The following DCT variants were observed in gnomAD, a reference collection of about 807,000 sequenced individuals.
DCT encodes the protein dopachrome tautomerase, also known as L-dopachrome tautomerase.
Under a neutral mutation model 53.0 loss-of-function variants are expected in DCT, and 47 were observed. The ratio of observed to expected loss-of-function variants is 0.89; its 90% CI spans 0.70 to 1.13. The LOEUF (loss-of-function observed/expected upper bound fraction) is 1.13, where lower values mean the gene tolerates loss of function less well. Ranked by LOEUF, DCT falls within the 50% of genes most tolerant of loss-of-function variation. DCT has a pLI of 0.00. For missense variants in DCT, 669 were observed against 637.4 expected, an observed-to-expected ratio of 1.05 and a Z score of -0.53; for synonymous variants, 244 against 237.0, an observed-to-expected ratio of 1.03 and a Z score of -0.27.
chr13:94,448,007 G>A (rs1882841561), intron 6 of DCT, among the ~76,000 whole-genome samples: 1 of 152,014 alleles, frequency 6.6e-6, no homozygotes, highest in Non-Finnish European at 1.5e-5. Flanking sequence ...CAGCACTTTG[G>A]GAAGCTGAGG....
chr13:94,526,614 A>C, the DCT span, among the ~76,000 whole-genome samples: 54 of 152,132 alleles, frequency 3.5e-4, no homozygotes, highest in Non-Finnish European at 6.8e-4. Context: ...CAGGTAACAG[A>C]GCAAGACCTA....
chr13:94,492,896 C>T, the DCT span, among the ~76,000 whole-genome samples: 1 of 151,850 alleles, frequency 6.6e-6, no homozygotes, highest in African/African-American at 2.4e-5. Flanking sequence ...CTATATTGAC[C>T]CCTGATCGAC....
At chr13:94,538,425 T>C in the DCT span, among the ~76,000 whole-genome samples, 2 of 152,184 alleles carry the variant, frequency 1.3e-5, no homozygotes, top group Admixed American at 1.3e-4. Flanking sequence ...CCAGAGGCTG[T>C]GCTTCCCACC....
intron 1 of DCT, among the ~76,000 whole-genome samples, chr13:94,478,232 G>A (rs2139380395): frequency 7.3e-6 from 1 of 137,828 alleles, no homozygotes; most frequent in South Asian, 2.2e-4. Context: ...TTACAACCTG[G>A]TCATAAGCTT....
At chr13:94,496,552 G>T in the DCT span, among the ~76,000 whole-genome samples, 1 of 152,100 alleles carries the variant, frequency 6.6e-6, no homozygotes, top group African/African-American at 2.4e-5. Context: ...ACTCACAGTG[G>T]CATGTACAGA....
the DCT span, among the ~76,000 whole-genome samples, chr13:94,499,230 G>T: frequency 6.6e-6 from 1 of 152,126 alleles, no homozygotes; most frequent in African/African-American, 2.4e-5. Flanking sequence ...CCAGAAGGAA[G>T]AAACTCCAGA....
At chr13:94,477,759 A>G (rs1273869767) in intron 1 of DCT, among the ~76,000 whole-genome samples, 1 of 152,202 alleles carries the variant, frequency 6.6e-6, no homozygotes, top group Non-Finnish European at 1.5e-5. Context: ...TCAATGACCT[A>G]TATCCTCCTA....
intron 6 of DCT, among the ~76,000 whole-genome samples, chr13:94,458,968 C>G (rs544003630): frequency 6.6e-6 from 1 of 152,200 alleles, no homozygotes; most frequent in South Asian, 2.1e-4. Flanking sequence ...CCTCGACCTC[C>G]CAGGCTCAAG....
Position 94,472,546 on chromosome 13 carries a change from ATATATATATATATATATATATATTTTTT to A in DCT, c.296-3529_296-3502del, listed in dbSNP as rs1884762641. Among the ~76,000 whole-genome samples the A allele has an allele frequency of 2.3e-4, 6 of 25,602 alleles. 1 individual carries two copies. The highest frequency in any genetic ancestry group is 3.8e-4 in the African/African-American group (2 of 5,288). 16.8% of individuals were successfully genotyped at this position (25,602 alleles called of 152,430 possible). A position where few individuals can be genotyped will look rare whatever the true frequency, so the allele number is the denominator to read the frequency against. The stretch of plus-strand genomic sequence containing the variant: ...CATATATATATATATATATATATAT[ATATATATATATATATATATATATTTTTT>A]TTTTTTTTTTTTTTTTTTTTTTTTG... On this transcript the variant is annotated intron_variant, in intron 1 of 7. Transcript: ENST00000377028.
At chr13:94,541,857 G>A in the DCT span, among the ~76,000 whole-genome samples, 5 of 152,180 alleles carry the variant, frequency 3.3e-5, no homozygotes, top group East Asian at 5.8e-4. Flanking sequence ...CCACACAAAC[G>A]TGGAGGGAAG....
At chr13:94,517,481 C>A in the DCT span, among the ~76,000 whole-genome samples, 52,969 of 152,012 alleles carry the variant, frequency 0.35, 9,654 homozygotes, top group East Asian at 0.61. Context: ...TAAATATCCA[C>A]CTCTGTGACC....
At chr13:94,510,652 T>C in the DCT span, among the ~76,000 whole-genome samples, 4 of 152,256 alleles carry the variant, frequency 2.6e-5, no homozygotes, top group African/African-American at 7.2e-5. Flanking sequence ...GCTTATGTTA[T>C]ATTTCTAGCA....
the DCT span, among the ~76,000 whole-genome samples, chr13:94,485,070 T>C: frequency 7.7e-6 from 1 of 129,964 alleles, no homozygotes; most frequent in African/African-American, 3.0e-5. Context: ...TCAAGGTCCA[T>C]GGCAGGACTT....
chr13:94,536,708 C>T, the DCT span, among the ~76,000 whole-genome samples: 460 of 152,190 alleles, frequency 3.0e-3, 2 homozygotes, highest in South Asian at 0.012. Flanking sequence ...TTTGGGAGGC[C>T]GAGATGGGTA....
At chr13:94,474,297 C>A (rs3782970) in intron 1 of DCT, among the ~76,000 whole-genome samples, 15,364 of 152,220 alleles carry the variant, frequency 0.1, 968 homozygotes, top group South Asian at 0.19. Flanking sequence ...CACATTCCTA[C>A]ATGAACTGCA....
In DCT at chr13:94,462,054, C is replaced by G; in HGVS notation, c.999G>C (p.Lys333Asn). ...KDIRDCLSLQ[K>N]FDNPPFFQNS... The stretch of plus-strand genomic sequence containing the variant: ...TCTGGAAGAAGGGAGGATTGTCAAA[C>G]TTCTGGAGAGACAGGCAATCTCGTA... The change falls in exon 5 of 8, where the codon AAG becomes AAC. Residue 333 changes from lysine (K) to asparagine (N), a missense_variant. By Grantham distance (94) the Lys-to-Asn change is moderately conservative. Coordinates refer to ENST00000377028, the MANE Select transcript of DCT (RefSeq NM_001922.5). 1.2e-6 allele frequency: 2 copies of G among 1,613,380 alleles called. No individual in the cohort carries two copies. Among genetic ancestry groups the G allele is most frequent in the Non-Finnish European group, 1.7e-6 (2 of 1,179,882 alleles).
intron 1 of DCT, among the ~76,000 whole-genome samples, chr13:94,474,276 T>C (rs1338271109): frequency 2.6e-5 from 4 of 152,180 alleles, no homozygotes; most frequent in African/African-American, 9.7e-5. Flanking sequence ...AGTGAGATCA[T>C]CTAAACACCA....
At chr13:94,465,446 A>ATT (rs571945753) in intron 4 of DCT, 187 bp downstream of exon 4, 451 of 366,714 alleles carry the variant, frequency 1.2e-3, no homozygotes, top group Middle Eastern at 5.5e-3. Flanking sequence ...TGATTTTGAT[A>ATT]TTTTTTTTTT....
At chr13:94,509,917 A>G in the DCT span, among the ~76,000 whole-genome samples, 1 of 152,214 alleles carries the variant, frequency 6.6e-6, no homozygotes, top group Non-Finnish European at 1.5e-5. Context: ...TTGGCCAGGC[A>G]CTCAATAGCA....
Sources: gnomAD v4.1 joint callset for allele counts (sites outside exome capture counted in the v4.1 genomes callset) on GRCh38, gnomAD v4.1.1 for gene constraint, MANE v1.5 for transcripts, NCBI Gene and HGNC (gene_info 2026-07-23, HGNC 2026-07-21) for gene names.